Variants in PEAK1 observed in about 807,000 individuals in gnomAD.
The protein encoded by PEAK1 is pseudopodium enriched atypical kinase 1, also known as inactive tyrosine-protein kinase PEAK1.
PEAK1 carries 54 observed loss-of-function variants against 124.7 expected under a neutral mutation model. The observed-to-expected ratio is 0.43, with a 90% CI of 0.35 to 0.54. The LOEUF (loss-of-function observed/expected upper bound fraction) is 0.54. Ranked by LOEUF, PEAK1 falls within the 20% of genes least tolerant of loss-of-function variation. The pLI is 0.01. For missense variants in PEAK1, 2,046 were observed against 2,134.5 expected, an observed-to-expected ratio of 0.96 and a Z score of 0.82; for synonymous variants, 719 against 760.0, an observed-to-expected ratio of 0.95 and a Z score of 0.89.
At chr15:77,393,169 CT>C (rs1235499316) in intron 1 of PEAK1, among the ~76,000 whole-genome samples, 2 of 152,166 alleles carry the variant, frequency 1.3e-5, no homozygotes, top group African/African-American at 4.8e-5. Context: ...CTCTGGGGTT[CT>C]AAATAAACTT....
At chr15:77,103,596 A>G (rs1026286341), downstream of PEAK1, 18 of 152,208 alleles carry the variant, frequency 1.2e-4, no homozygotes, top group African/African-American at 4.3e-4. Flanking sequence ...ACCCTGATTT[A>G]CCATGACAGG....
At chr15:77,119,189 C>T (rs2051681739) in intron 9 of PEAK1, among the ~76,000 whole-genome samples, 1 of 152,220 alleles carries the variant, frequency 6.6e-6, no homozygotes, top group African/African-American at 2.4e-5. Flanking sequence ...AGAAGCCCAT[C>T]CTGGGCACAG....
At chr15:77,328,223 T>C (rs922408122) in intron 2 of PEAK1, among the ~76,000 whole-genome samples, 1 of 152,194 alleles carries the variant, frequency 6.6e-6, no homozygotes, top group African/African-American at 2.4e-5. Flanking sequence ...ATCTACCTTA[T>C]ATAGTTGTGA....
chr15:77,288,897 C>T (rs957907696), intron 2 of PEAK1, among the ~76,000 whole-genome samples: 1 of 147,406 alleles, frequency 6.8e-6, no homozygotes, highest in Admixed American at 6.9e-5. Context: ...CCACTGCACT[C>T]CAGCATGGGC....
intron 6 of PEAK1, among the ~76,000 whole-genome samples, chr15:77,216,304 T>C (rs562288181): frequency 1.3e-5 from 2 of 152,344 alleles, no homozygotes; most frequent in South Asian, 4.1e-4. Context: ...ATGGAAAAAC[T>C]GCATGGATTT....
At chr15:77,170,299 GA>G (rs200035784) in intron 7 of PEAK1, among the ~76,000 whole-genome samples, 23 of 148,798 alleles carry the variant, frequency 1.5e-4, no homozygotes, top group African/African-American at 5.2e-4. Context: ...AAAATAAAAT[GA>G]AAAAAAAAGA....
chr15:77,161,119 C>T (rs935509327), intron 7 of PEAK1, among the ~76,000 whole-genome samples: 2 of 152,232 alleles, frequency 1.3e-5, no homozygotes, highest in African/African-American at 4.8e-5. Context: ...AACTCACCCG[C>T]TGTGCTCACT....
chr15:77,395,990 C>T (rs1053399706), intron 1 of PEAK1, among the ~76,000 whole-genome samples: 2 of 151,968 alleles, frequency 1.3e-5, no homozygotes, highest in Non-Finnish European at 2.9e-5. Flanking sequence ...ATAAACCGAT[C>T]AAAAATAATA....
At chr15:77,162,612 C>A (rs951799429) in intron 7 of PEAK1, among the ~76,000 whole-genome samples, 5 of 151,138 alleles carry the variant, frequency 3.3e-5, no homozygotes, top group East Asian at 2.0e-4. Flanking sequence ...TATCTCCTAA[C>A]AAATGTTTTA....
intron 8 of PEAK1, among the ~76,000 whole-genome samples, chr15:77,138,765 C>T (rs987660930): frequency 2.0e-5 from 3 of 150,826 alleles, no homozygotes; most frequent in Admixed American, 6.6e-5. Flanking sequence ...AGGAGGCTGA[C>T]GTAGGAGAAT....
chr15:77,167,652 T>C lies in PEAK1; in HGVS notation c.3138-8956A>G, dbSNP rs2056196738. 2.6e-5 allele frequency among the ~76,000 whole-genome samples: 4 copies of C among 152,208 alleles called. No individual in the cohort carries two copies. In the East Asian group the frequency reaches 7.7e-4, roughly 29 times the overall value. On this transcript the variant is annotated intron_variant, in intron 7 of 9. Transcript: ENST00000682557. Reference sequence around the variant, plus strand: ...ATTTTCTCTTTATGAGAAGTAGAAGTTTGATCTTGGGGCCAGTTTCGTCCT... The same window carrying C: ...ATTTTCTCTTTATGAGAAGTAGAAGCTTGATCTTGGGGCCAGTTTCGTCCT...
At chr15:77,216,083 C>A (rs889578948) in intron 6 of PEAK1, among the ~76,000 whole-genome samples, 2 of 152,062 alleles carry the variant, frequency 1.3e-5, no homozygotes, top group Non-Finnish European at 2.9e-5. Context: ...CTTCAAAATA[C>A]CTGTTGCAAT....
chr15:77,334,551 C>T, intron 2 of PEAK1: 1 of 985,388 alleles, frequency 1.0e-6, no homozygotes, highest in Non-Finnish European at 1.2e-6. Flanking sequence ...TGGGTTGGTT[C>T]TCTATACCTC....
In PEAK1 at chr15:77,297,686, G is replaced by A. The variant is rs546713532; in HGVS notation, c.-602-11182C>T. ...AGGCAGGAGAATCGTGTGAATCCGG[G>A]AGGCAGAGGTTGCAGTGAGCCAAGA... On this transcript the variant is annotated intron_variant, in intron 2 of 9. Coordinates refer to ENST00000682557, the MANE Select transcript of PEAK1 (RefSeq NM_001385026.1). 8.4e-4 allele frequency among the ~76,000 whole-genome samples: 125 copies of A among 149,374 alleles called. 1 individual carries two copies. Among genetic ancestry groups the A allele is most frequent in the African/African-American group, 3.0e-3 (121 of 39,914 alleles).
At chr15:77,310,888 TAAAC>T (rs959569892) in intron 2 of PEAK1, among the ~76,000 whole-genome samples, 1 of 152,108 alleles carries the variant, frequency 6.6e-6, no homozygotes, top group South Asian at 2.1e-4. Flanking sequence ...TTTAAAGAAC[TAAAC>T]AAACAAACAA....
chr15:77,247,063 T>C (rs2060622944), intron 6 of PEAK1, among the ~76,000 whole-genome samples: 1 of 152,192 alleles, frequency 6.6e-6, no homozygotes, highest in Non-Finnish European at 1.5e-5. Context: ...TATATAATTA[T>C]TTTGAATCCT....
At chr15:77,147,793 G>A (rs1004885589) in intron 8 of PEAK1, among the ~76,000 whole-genome samples, 4 of 152,082 alleles carry the variant, frequency 2.6e-5, no homozygotes, top group African/African-American at 9.7e-5. Context: ...TGTGATTTTT[G>A]TGCAACATAG....
intron 1 of PEAK1, chr15:77,418,958 T>C: frequency 8.1e-6 from 8 of 985,296 alleles, no homozygotes; most frequent in Non-Finnish European, 9.6e-6. Context: ...TAGTCTTTTA[T>C]GTAAGTCTCT....
chr15:77,236,690 A>G (rs2060140574), intron 6 of PEAK1, among the ~76,000 whole-genome samples: 1 of 152,168 alleles, frequency 6.6e-6, no homozygotes, highest in Non-Finnish European at 1.5e-5. Context: ...GGGAGGGGCC[A>G]GGGATGGAAT....
Sources: gnomAD v4.1 joint callset for allele counts (sites outside exome capture counted in the v4.1 genomes callset) on GRCh38, gnomAD v4.1.1 for gene constraint, MANE v1.5 for transcripts, NCBI Gene and HGNC (gene_info 2026-07-23, HGNC 2026-07-21) for gene names.